PPM1G: variants seen among roughly 807,000 people sequenced by gnomAD.
The protein encoded by PPM1G is protein phosphatase 1G.
PPM1G carries 12 observed loss-of-function variants against 59.4 expected under a neutral mutation model. That is an observed-to-expected ratio of 0.20 (90% CI 0.13 to 0.33). The LOEUF (loss-of-function observed/expected upper bound fraction) is 0.33. Among genes scored for constraint, PPM1G ranks in the 10% least tolerant of loss-of-function variants. The pLI is 1.00. For missense variants in PPM1G, 392 were observed against 681.3 expected (o/e 0.58, Z 4.73); for synonymous variants, 245 against 251.9 (o/e 0.97, Z 0.26).
intron 1 of PPM1G, among the ~76,000 whole-genome samples, chr2:27,392,336 C>T (rs1348096522): frequency 6.8e-6 from 1 of 147,408 alleles, no homozygotes; most frequent in East Asian, 2.0e-4. Flanking sequence ...TCCCTGTCAC[C>T]CAGGCTGGAG....
intron 1 of PPM1G, among the ~76,000 whole-genome samples, chr2:27,398,970 C>T (rs566812880): frequency 4.0e-5 from 6 of 151,888 alleles, no homozygotes; most frequent in South Asian, 2.1e-4. Flanking sequence ...CATGGTGAAA[C>T]CCGGTCTCTA....
At chr2:27,387,508 T>TC (rs1038128058) in intron 1 of PPM1G, among the ~76,000 whole-genome samples, 5 of 146,902 alleles carry the variant, frequency 3.4e-5, no homozygotes. Flanking sequence ...TTTTTTCTTC[T>TC]TTTTTTTTTT....
chr2:27,395,735 T>C (rs1263808972), intron 1 of PPM1G, among the ~76,000 whole-genome samples: 4 of 151,352 alleles, frequency 2.6e-5, no homozygotes, highest in African/African-American at 7.3e-5. Flanking sequence ...GTCCCACCTA[T>C]GTGGAGGCTG....
At chr2:27,405,706 G>T (rs1663340780) in intron 1 of PPM1G, among the ~76,000 whole-genome samples, 1 of 151,484 alleles carries the variant, frequency 6.6e-6, no homozygotes, top group South Asian at 2.1e-4. Flanking sequence ...GTGGTATTTT[G>T]ATTACCTTTT....
Position 27,384,203 on chromosome 2 carries a change from A to G in PPM1G, c.826-111T>C. 1 of 1,525,870 alleles carries G rather than the reference A, an allele frequency of 6.6e-7. No homozygotes were observed. Among genetic ancestry groups the G allele is most frequent in the South Asian group, 1.2e-5 (1 of 80,968 alleles). 94.5% of individuals were successfully genotyped at this position (1,525,870 alleles called of 1,614,324 possible). On this transcript the variant is annotated intron_variant, in intron 5 of 9. Coordinates refer to ENST00000344034, the MANE Select transcript of PPM1G (RefSeq NM_177983.3). The surrounding 1 kb of genome is among the most constrained non-coding windows in gnomAD (Gnocchi z 4.8). ...CTGAACACAGGTCCTCAAAACACTG[A>G]AAGATACAAGTATATGGTCATGAAA...
chr2:27,408,795 C>A (rs576466258), intron 1 of PPM1G, among the ~76,000 whole-genome samples: 1 of 152,188 alleles, frequency 6.6e-6, no homozygotes, highest in Non-Finnish European at 1.5e-5. Context: ...CAAGGCCAGG[C>A]AACCAAAATG....
chr2:27,393,401 G>C (rs1683967387), intron 1 of PPM1G: 2 of 1,377,622 alleles, frequency 1.5e-6, no homozygotes, highest in Admixed American at 1.8e-5. Context: ...GGCAGCGGCA[G>C]TGGTGGCTAC....
chr2:27,409,560 C>A lies in PPM1G; in HGVS notation c.-138G>T. 2 of 1,144,230 alleles carry A rather than the reference C, an allele frequency of 1.7e-6. No individual in the cohort carries two copies. The highest frequency in any genetic ancestry group is 2.3e-6 in the Non-Finnish European group (2 of 883,532). The allele number at this position is 1,144,230 out of a possible 1,614,324, so 70.9% of individuals were successfully genotyped here. ...AAGGTGCCGGTGAAAGGCGCGAGGC[C>A]GGCCAGGAGGCGGTAACGGGACGGG... On this transcript the variant is annotated 5_prime_UTR_variant, in exon 1 of 10. Transcript: ENST00000344034.
chr2:27,397,159 A>G (rs1684071145), intron 1 of PPM1G, among the ~76,000 whole-genome samples: 1 of 152,156 alleles, frequency 6.6e-6, no homozygotes, highest in Admixed American at 6.6e-5. Flanking sequence ...GTGAGCCACC[A>G]TGCCCAGCCA....
At chr2:27,392,409 C>T (rs909977294) in intron 1 of PPM1G, among the ~76,000 whole-genome samples, 2 of 151,128 alleles carry the variant, frequency 1.3e-5, no homozygotes, top group Non-Finnish European at 2.9e-5. Flanking sequence ...ATTCTCATGC[C>T]TCAGCCTCCC....
At position 27,383,370 on chromosome 2, in the gene PPM1G, G is replaced by A. The variant is rs769928748; in HGVS notation, c.1197C>T (p.Ala399=). ...TCCCAGTTTCTTGGCCCTTACCAAT[G>A]GCTCTGGAGAGGTTGAGGCCCCCGT... ...RVNGGLNLSR[A]IGDHFYKRNK... Residue 399 remains alanine, a synonymous_variant, in exon 7 of 10, where the codon GCC becomes GCT. Transcript: ENST00000344034. The surrounding 1 kb of genome is among the most constrained non-coding windows in gnomAD (Gnocchi z 5.0). 1 of 1,613,436 alleles carries A rather than the reference G, an allele frequency of 6.2e-7. No homozygotes were observed.
Position 27,384,584 on chromosome 2 carries a change from GAGA to G in PPM1G, c.825+86_825+88del. 1.4e-6 allele frequency: 2 copies of G among 1,434,310 alleles called. No individual in the cohort carries two copies. The highest frequency in any genetic ancestry group is 1.8e-4 in the Middle Eastern group (1 of 5,478). The allele number at this position is 1,434,310 out of a possible 1,614,324, so 88.8% of individuals were successfully genotyped here. On this transcript the variant is annotated intron_variant, in intron 5 of 9. Transcript: ENST00000344034. This position sits in a 1 kb window ranked among gnomAD's most constrained non-coding sequence, Gnocchi z 4.8. ...GTCTTGGGGGATGATGTCAAAATAG[GAGA>G]AGGAAAGAGAGTTGAAAACTACAGA...
At chr2:27,404,077 C>A (rs1045186967) in intron 1 of PPM1G, among the ~76,000 whole-genome samples, 10 of 151,994 alleles carry the variant, frequency 6.6e-5, no homozygotes, top group Non-Finnish European at 1.5e-4. Context: ...ATGACTGAAA[C>A]AAATATGCAG....
Position 27,386,299 on chromosome 2 carries a change from G to A in PPM1G, c.191-20C>T, listed in dbSNP as rs1322791858. 1 of 1,557,898 alleles carries A rather than the reference G, an allele frequency of 6.4e-7. No homozygotes were observed. Among genetic ancestry groups the A allele is most frequent in the African/African-American group, 1.4e-5 (1 of 73,802 alleles). ...CCTCCCCTAGAAGGAAAGGAAGGAA[G>A]GTCACCTGGAGCACTGCTCCCCACA... On this transcript the variant is annotated intron_variant, in intron 2 of 9. Coordinates refer to ENST00000344034, the MANE Select transcript of PPM1G (RefSeq NM_177983.3).
Position 27,409,414 on chromosome 2 carries a change from G to C in PPM1G, c.9C>G (p.Ala3=). The change falls in exon 1 of 10, where the codon GCC becomes GCG. Residue 3 remains alanine (A), a synonymous_variant. Transcript: ENST00000344034. ...TCACCGTGTTGGGCTGGGAGAGGTAGGCACCCATGGCGGCGGCTGGCCGGC... is the reference window on the plus strand; with the variant it reads ...TCACCGTGTTGGGCTGGGAGAGGTACGCACCCATGGCGGCGGCTGGCCGGC... The part of the protein sequence containing the change: MG[A]YLSQPNTVKC... 6.6e-7 allele frequency: 1 copy of C among 1,516,368 alleles called. No individual in the cohort carries two copies. 93.9% of individuals were successfully genotyped at this position (1,516,368 alleles called of 1,614,324 possible). A position where few individuals can be genotyped will look rare whatever the true frequency, so the allele number is the denominator to read the frequency against.
chr2:27,385,264 C>A lies in PPM1G; in HGVS notation c.410-176G>T, dbSNP rs1168405908. The A allele has an allele frequency of 2.3e-5, 15 of 656,292 alleles. No homozygotes were observed. In the East Asian group the frequency reaches 3.3e-4, roughly 14 times the overall value. 40.7% of individuals were successfully genotyped at this position (656,292 alleles called of 1,614,324 possible). ...CTAGCTCCTCCTCCTCCACAGACTT[C>A]TTTTGGTTTTTGTGTTTCATCCCCT... On this transcript the variant is annotated intron_variant, in intron 4 of 9. Coordinates refer to ENST00000344034, the MANE Select transcript of PPM1G (RefSeq NM_177983.3). The surrounding 1 kb of genome is among the most constrained non-coding windows in gnomAD (Gnocchi z 4.1).
At position 27,385,650 on chromosome 2, in the gene PPM1G, T is replaced by C; in HGVS notation, c.409+97A>G. The C allele has an allele frequency of 6.8e-7, 1 of 1,480,548 alleles. No homozygotes were observed. The highest frequency in any genetic ancestry group is 2.3e-5 in the East Asian group (1 of 43,814). The allele number at this position is 1,480,548 out of a possible 1,614,324, so 91.7% of individuals were successfully genotyped here. On this transcript the variant is annotated intron_variant, in intron 4 of 9. Coordinates refer to ENST00000344034, the MANE Select transcript of PPM1G (RefSeq NM_177983.3). This position sits in a 1 kb window ranked among gnomAD's most constrained non-coding sequence, Gnocchi z 4.1. ...TTCTTTAACATAAGGACTCCCCAGG[T>C]CCCTAGAAAGCCATCCTATCTTAGA...
At chr2:27,407,411 G>C (rs548962884) in intron 1 of PPM1G, among the ~76,000 whole-genome samples, 1 of 151,662 alleles carries the variant, frequency 6.6e-6, no homozygotes, top group South Asian at 2.1e-4. Context: ...CTACAGGTGG[G>C]TGCCACCATG....
intron 1 of PPM1G, among the ~76,000 whole-genome samples, chr2:27,392,541 C>G (rs1283007506): frequency 6.7e-6 from 1 of 149,982 alleles, no homozygotes; most frequent in Non-Finnish European, 1.5e-5. Flanking sequence ...GTGATCCTCC[C>G]GCCTCAGCCT....
Sources: gnomAD v4.1 joint callset for allele counts (sites outside exome capture counted in the v4.1 genomes callset) on GRCh38, gnomAD v4.1.1 for gene constraint, Gnocchi (gnomAD v3.1) non-coding constraint, MANE v1.5 for transcripts, NCBI Gene and HGNC (gene_info 2026-07-23, HGNC 2026-07-21) for gene names.